Variants in OSBPL2 observed in about 807,000 individuals in gnomAD.
OSBPL2 encodes the protein oxysterol-binding protein-related protein 2.
In OSBPL2, 18 loss-of-function variants were observed where a neutral mutation model predicts 58.4. The observed-to-expected ratio is 0.31, with a 90% CI of 0.21 to 0.46. OSBPL2 has a LOEUF of 0.46. OSBPL2 is among the 20% of genes least tolerant of loss of function. OSBPL2 has a pLI of 1.00. For missense variants in OSBPL2, 461 were observed against 616.5 expected, an observed-to-expected ratio of 0.75 and a Z score of 2.67; for synonymous variants, 221 against 234.1, an observed-to-expected ratio of 0.94 and a Z score of 0.51.
At position 62,279,462 on chromosome 20, in the gene OSBPL2, T is replaced by C. The variant is rs528475704; in HGVS notation, c.674+123T>C. The C allele has an allele frequency of 8.3e-5, 81 of 976,160 alleles. No individual in the cohort carries two copies. In the African/African-American group the frequency reaches 1.2e-3, roughly 15 times the overall value. 60.5% of individuals were successfully genotyped at this position (976,160 alleles called of 1,614,324 possible). ...TCATTTTTCTCCTGAGGTGGGGACC[T>C]CCCCACAGCAGAAACGTCTTCAGAT... On this transcript the variant is annotated intron_variant, in intron 7 of 13. Coordinates refer to ENST00000313733, the MANE Select transcript of OSBPL2 (RefSeq NM_144498.4).
Position 62,280,071 on chromosome 20 carries a change from C to G in OSBPL2, c.674+732C>G, listed in dbSNP as rs752300544. 1.0e-5 allele frequency: 13 copies of G among 1,304,204 alleles called. No homozygotes were observed. In the Admixed American group the frequency reaches 1.6e-4, roughly 16 times the overall value. The allele number at this position is 1,304,204 out of a possible 1,614,324, so 80.8% of individuals were successfully genotyped here. ...CCAACAAATGCCGGCCGCTAAGACC[C>G]GACAGACACAGACCGGATGCTGGCG... On this transcript the variant is annotated intron_variant, in intron 7 of 13. Transcript: ENST00000313733.
intron 3 of OSBPL2, among the ~76,000 whole-genome samples, chr20:62,261,650 T>C (rs1981318591): frequency 6.6e-6 from 1 of 152,198 alleles, no homozygotes; most frequent in Non-Finnish European, 1.5e-5. Context: ...TGTTAGGTCC[T>C]TCAGTTCTTC....
intron 6 of OSBPL2, among the ~76,000 whole-genome samples, chr20:62,276,733 G>A (rs115527595): frequency 6.6e-6 from 1 of 152,332 alleles, no homozygotes; most frequent in African/African-American, 2.4e-5. Flanking sequence ...TGGGAAAGGG[G>A]AGGCTGAGGC....
intron 6 of OSBPL2, among the ~76,000 whole-genome samples, chr20:62,276,100 A>G (rs1216789697): frequency 6.6e-6 from 1 of 152,108 alleles, no homozygotes; most frequent in Non-Finnish European, 1.5e-5. Context: ...TGTTTTCAGT[A>G]GAGACAGGGT....
At position 62,295,402 on chromosome 20, in the gene OSBPL2, T is replaced by G. The variant is rs540851435; in HGVS notation, c.*1515T>G. 6.6e-6 allele frequency: 1 copy of G among 152,366 alleles called. No homozygotes were observed. Among genetic ancestry groups the G allele is most frequent in the Non-Finnish European group, 1.5e-5 (1 of 68,032 alleles). 9.4% of individuals were successfully genotyped at this position (152,366 alleles called of 1,614,324 possible). ...TCCAGGTTACTCAGGCCGGCACTTC[T>G]GAGTGACAGGTGCCACCTGCGTGTG... On this transcript the variant is annotated 3_prime_UTR_variant, in exon 14 of 14. Transcript: ENST00000313733. The surrounding 1 kb of genome is among the most constrained non-coding windows in gnomAD (Gnocchi z 4.8).
intron 6 of OSBPL2, among the ~76,000 whole-genome samples, chr20:62,273,892 G>A (rs2236524): frequency 0.4 from 60,720 of 152,114 alleles, 13,008 homozygotes; most frequent in East Asian, 0.53. Flanking sequence ...CCTCCCCAGA[G>A]TTTTAGGAAG....
At chr20:62,247,328 G>A (rs183521364) in intron 1 of OSBPL2, among the ~76,000 whole-genome samples, 2 of 152,350 alleles carry the variant, frequency 1.3e-5, no homozygotes, top group Admixed American at 1.3e-4. Context: ...CTGTGGTTGT[G>A]CTGGATGTGG....
Position 62,288,391 on chromosome 20 carries a change from TGC to T in OSBPL2, c.1126-815_1126-814del, listed in dbSNP as rs1983268010. Reference sequence around the variant, plus strand: ...GGCTGCAGAGGCCGGAGGCTGTGGGTGCAGAGGCTGGGAGGCTGTGGGTGCAG... The same window carrying T: ...GGCTGCAGAGGCCGGAGGCTGTGGGTAGAGGCTGGGAGGCTGTGGGTGCAG... On this transcript the variant is annotated intron_variant, in intron 11 of 13. Coordinates refer to ENST00000313733, the MANE Select transcript of OSBPL2 (RefSeq NM_144498.4). This position sits in a 1 kb window ranked among gnomAD's most constrained non-coding sequence, Gnocchi z 4.8. 7.0e-6 allele frequency among the ~76,000 whole-genome samples: 1 copy of T among 143,578 alleles called. No homozygotes were observed. The highest frequency in any genetic ancestry group is 1.6e-5 in the Non-Finnish European group (1 of 63,474). 94.2% of individuals were successfully genotyped at this position (143,578 alleles called of 152,430 possible).
chr20:62,284,341 T>A, intron 10 of OSBPL2, 172 bp downstream of exon 10: 1 of 669,222 alleles, frequency 1.5e-6, no homozygotes, highest in Non-Finnish European at 2.6e-6. Flanking sequence ...TGGGTTCCAG[T>A]ATCAGTGAGG....
At position 62,244,429 on chromosome 20, in the gene OSBPL2, C is replaced by T. The variant is rs573093893; in HGVS notation, c.-129+5832C>T. ...CCCTTGGAGTGCTCTCCCTGCCCTC[C>T]GGCATGGCTTTCTGAGAGCAGGGCG... On this transcript the variant is annotated intron_variant, in intron 1 of 13. Transcript: ENST00000313733. Among the ~76,000 whole-genome samples the T allele has an allele frequency of 5.9e-5, 9 of 152,352 alleles. No homozygotes were observed. In the South Asian group the frequency reaches 1.2e-3, roughly 21 times the overall value.
At chr20:62,281,323 ACT>A in intron 8 of OSBPL2, 158 bp downstream of exon 8, 2 of 592,104 alleles carry the variant, frequency 3.4e-6, no homozygotes, top group Non-Finnish European at 6.1e-6. Context: ...CCTAGACTTG[ACT>A]CTGACCGGTG....
At chr20:62,270,299 T>C (rs1451275607) in intron 4 of OSBPL2, among the ~76,000 whole-genome samples, 1 of 151,852 alleles carries the variant, frequency 6.6e-6, no homozygotes, top group Non-Finnish European at 1.5e-5. Context: ...CACTAGCACC[T>C]CCTCCTCCAC....
At chr20:62,270,284 G>T (rs1435946916) in intron 4 of OSBPL2, among the ~76,000 whole-genome samples, 1 of 152,008 alleles carries the variant, frequency 6.6e-6, no homozygotes, top group Non-Finnish European at 1.5e-5. Context: ...CCATGTCCCT[G>T]TTGCCACTAG....
intron 1 of OSBPL2, among the ~76,000 whole-genome samples, 195 bp from the exon 2 acceptor site, chr20:62,255,862 A>G (rs781379289): frequency 6.6e-6 from 1 of 152,192 alleles, no homozygotes; most frequent in Non-Finnish European, 1.5e-5. Context: ...TCTGTTATTC[A>G]TTGATTGATC....
intron 6 of OSBPL2, chr20:62,278,865 TTG>T (rs894719875): frequency 3.2e-5 from 12 of 377,126 alleles, no homozygotes; most frequent in South Asian, 7.5e-5. Context: ...GATGTCATGT[TTG>T]TGTGTGTGTT....
intron 2 of OSBPL2, among the ~76,000 whole-genome samples, chr20:62,256,777 A>T (rs1980949897): frequency 6.6e-6 from 1 of 152,236 alleles, no homozygotes; most frequent in African/African-American, 2.4e-5. Context: ...TGGGCATGTG[A>T]CGGGGCGGCT....
At chr20:62,285,837 C>A (rs1189479222) in intron 10 of OSBPL2, 1 of 152,678 alleles carries the variant, frequency 6.5e-6, no homozygotes, top group Non-Finnish European at 1.5e-5. Context: ...CCACTGACTT[C>A]CTTCGTCTCT....
At chr20:62,283,573 T>C (rs1390046526) in intron 9 of OSBPL2, among the ~76,000 whole-genome samples, 1 of 152,170 alleles carries the variant, frequency 6.6e-6, no homozygotes, top group Non-Finnish European at 1.5e-5. Context: ...CAAGCAGCAT[T>C]GACTGCACTG....
intron 1 of OSBPL2, chr20:62,238,954 G>C (rs1979525285): frequency 6.6e-6 from 1 of 150,428 alleles, no homozygotes; most frequent in African/African-American, 2.4e-5. Context: ...CCCCCCTGCT[G>C]CCCCGCTGAG....
Sources: gnomAD v4.1 joint callset for allele counts (sites outside exome capture counted in the v4.1 genomes callset) on GRCh38, gnomAD v4.1.1 for gene constraint, Gnocchi (gnomAD v3.1) non-coding constraint, MANE v1.5 for transcripts, NCBI Gene and HGNC (gene_info 2026-07-23, HGNC 2026-07-21) for gene names.